Variants in SLC3A2 observed in about 807,000 individuals in gnomAD.
SLC3A2 encodes amino acid transporter heavy chain SLC3A2.
In SLC3A2, 32 loss-of-function variants were observed where a neutral mutation model predicts 48.5. The ratio of observed to expected loss-of-function variants is 0.66; its 90% CI spans 0.50 to 0.89. The LOEUF (loss-of-function observed/expected upper bound fraction) is 0.89. Ranked by LOEUF, SLC3A2 falls within the 40% of genes least tolerant of loss-of-function variation. The pLI is 0.00. For missense variants in SLC3A2, 587 were observed against 680.7 expected, an observed-to-expected ratio of 0.86 and a Z score of 1.53; for synonymous variants, 277 against 288.8, an observed-to-expected ratio of 0.96 and a Z score of 0.41.
chr11:62,886,605 T>C (rs1218434013), intron 7 of SLC3A2: 4 of 152,140 alleles, frequency 2.6e-5, no homozygotes, highest in East Asian at 3.9e-4. Context: ...TTTTTTTTTT[T>C]TGGAGACAGG....
intron 1 of SLC3A2, among the ~76,000 whole-genome samples, chr11:62,861,603 A>G (rs1359495080): frequency 6.6e-6 from 1 of 152,036 alleles, no homozygotes; most frequent in Non-Finnish European, 1.5e-5. Context: ...CACTGTAGTC[A>G]GAGTGATCTT....
rs1171717120 is a variant in SLC3A2 at position 62,881,758 on chromosome 11, C to G, written c.425-135C>G. 6.9e-6 allele frequency: 7 copies of G among 1,020,924 alleles called. No individual in the cohort carries two copies. The highest frequency in any genetic ancestry group is 1.0e-5 in the Non-Finnish European group (7 of 700,158). 63.2% of individuals were successfully genotyped at this position (1,020,924 alleles called of 1,614,324 possible). A position where few individuals can be genotyped will look rare whatever the true frequency, so the allele number is the denominator to read the frequency against. ...TCCTTACATCAGCTCCTCTGAGTCT[C>G]GTGATTCAGCCTTGCCTCCCTCTCT... On this transcript the variant is annotated intron_variant, in intron 1 of 8. Transcript: ENST00000338663. This position sits in a 1 kb window ranked among gnomAD's most constrained non-coding sequence, Gnocchi z 4.0.
In SLC3A2 at chr11:62,872,064, C is replaced by T. The variant is rs960576222; in HGVS notation, c.113-8955C>T. Among the ~76,000 whole-genome samples the T allele has an allele frequency of 3.9e-5, 6 of 152,114 alleles. No homozygotes were observed. In the South Asian group the frequency reaches 6.2e-4, roughly 16 times the overall value. ...AGTGGCTGGGACTACAGGCACACAC[C>T]GCCACGCCTGGCTAAATTTTTTTTG... On this transcript the variant is annotated intron_variant, in intron 1 of 9. Coordinates refer to the SLC3A2 transcript ENST00000377889.
rs865957659 is a variant in SLC3A2, at chr11:62,881,397, G to A, written c.374G>A (p.Arg125His). The A allele has an allele frequency of 1.3e-6, 2 of 1,595,404 alleles. No individual in the cohort carries two copies. Among genetic ancestry groups the A allele is most frequent in the East Asian group, 2.2e-5 (1 of 44,576 alleles). ...QKWWHTGALYRIGDLQAFQGH... is the reference protein window; with the variant it reads ...QKWWHTGALYHIGDLQAFQGH... ...TGGTGGCACACGGGCGCCCTCTACC[G>A]CATCGGCGACCTTCAGGCCTTCCAG... Residue 125 changes from arginine to histidine, a missense_variant, in exon 1 of 9, where the codon CGC (arginine) becomes CAC (histidine). By Grantham distance (29) the Arg-to-His change is conservative (BLOSUM62 0). This residue lies in a region of SLC3A2 where 409 missense variants were observed against 446.7 expected (regional missense o/e 0.92). Transcript: ENST00000338663. The surrounding 1 kb of genome is among the most constrained non-coding windows in gnomAD (Gnocchi z 4.0).
chr11:62,863,208 A>T (rs915552575), intron 1 of SLC3A2, among the ~76,000 whole-genome samples: 2 of 152,090 alleles, frequency 1.3e-5, no homozygotes, highest in Non-Finnish European at 2.9e-5. Flanking sequence ...GGCGTGAGCC[A>T]CCACTCTGGG....
rs772633350 is a variant in SLC3A2 at position 62,882,974 on chromosome 11, T to A, written c.665T>A (p.Val222Asp). 3.1e-6 allele frequency: 5 copies of A among 1,614,204 alleles called. No homozygotes were observed. In the East Asian group the frequency reaches 8.9e-5, roughly 29 times the overall value. ...GAGAACTCGTGGTTCTCCACTCAGG[T>A]TGACACTGTGGCCACCAAGGTGAAG... The part of the protein sequence containing the change: ...RGENSWFSTQ[V>D]DTVATKVKDA... The change falls in exon 3 of 9, where the codon GTT becomes GAT. Residue 222 changes from valine (V) to aspartate (D), a missense_variant. Transcript: ENST00000338663.
At chr11:62,876,554 T>C (rs1037397621), upstream of SLC3A2, among the ~76,000 whole-genome samples, 1 of 152,080 alleles carries the variant, frequency 6.6e-6, no homozygotes, top group Non-Finnish European at 1.5e-5. Flanking sequence ...CTGTAGTCTT[T>C]TTGTTTTCCT....
chr11:62,868,975 T>C (rs1400084956), intron 1 of SLC3A2, among the ~76,000 whole-genome samples: 1 of 151,986 alleles, frequency 6.6e-6, no homozygotes, highest in Non-Finnish European at 1.5e-5. Flanking sequence ...TTCAGTTCAC[T>C]GCAACTTCTG....
intron 8 of SLC3A2, 48 bp from the exon 9 acceptor site, chr11:62,888,282 AC>A: frequency 6.2e-7 from 1 of 1,609,506 alleles, no homozygotes; most frequent in Non-Finnish European, 8.5e-7. Flanking sequence ...AGAAGTCTGT[AC>A]CCAGGGGAGC....
upstream of SLC3A2, among the ~76,000 whole-genome samples, chr11:62,876,631 T>C (rs761903894): frequency 5.9e-5 from 9 of 152,154 alleles, no homozygotes; most frequent in African/African-American, 1.2e-4. Flanking sequence ...GACAGAGTTT[T>C]GCTCTTGTTG....
chr11:62,881,660 G>T lies in SLC3A2; in HGVS notation c.424+213G>T. The T allele has an allele frequency of 1.1e-6, 1 of 895,050 alleles. No homozygotes were observed. The highest frequency in any genetic ancestry group is 3.5e-4 in the Middle Eastern group (1 of 2,838). The allele number at this position is 895,050 out of a possible 1,614,324, so 55.4% of individuals were successfully genotyped here. A position where few individuals can be genotyped will look rare whatever the true frequency, so the allele number is the denominator to read the frequency against. ...CGCCCCTCACTCCGTCACGAGGGTG[G>T]GTGACTCAGCGTCCTCCTTCCCCGC... On this transcript the variant is annotated intron_variant, in intron 1 of 8. Coordinates refer to ENST00000338663, the MANE Select transcript of SLC3A2 (RefSeq NM_001013251.3). This position sits in a 1 kb window ranked among gnomAD's most constrained non-coding sequence, Gnocchi z 4.0.
chr11:62,869,323 G>A (rs1390987320), intron 1 of SLC3A2, among the ~76,000 whole-genome samples: 3 of 151,288 alleles, frequency 2.0e-5, no homozygotes, highest in African/African-American at 7.3e-5. Flanking sequence ...AGGAGATCGA[G>A]ACCATCCTGG....
At chr11:62,866,559 C>T (rs753275963) in intron 1 of SLC3A2, among the ~76,000 whole-genome samples, 2 of 151,940 alleles carry the variant, frequency 1.3e-5, no homozygotes, top group Non-Finnish European at 2.9e-5. Flanking sequence ...CCAAACCTGG[C>T]TAATTTTTGT....
intron 3 of SLC3A2, chr11:62,883,761 G>A (rs893802826): frequency 6.8e-6 from 2 of 294,748 alleles, no homozygotes; most frequent in South Asian, 3.1e-5. Flanking sequence ...CATGAGGGGC[G>A]GTACCCTCAG....
At chr11:62,856,340 C>T (rs145450178) in exon 1 of SLC3A2, 103 of 1,613,194 alleles carry the variant, frequency 6.4e-5, no homozygotes, top group Middle Eastern at 1.6e-4. Context: ...GGCTCACATT[C>T]GGAGGCTGGT....
At chr11:62,859,790 G>T (rs748005547) in intron 1 of SLC3A2, among the ~76,000 whole-genome samples, 1 of 150,346 alleles carries the variant, frequency 6.7e-6, no homozygotes, top group East Asian at 2.0e-4. Context: ...AGAAAAGAGG[G>T]CATTTTAAAA....
In SLC3A2 at chr11:62,883,017, T is replaced by C; in HGVS notation, c.690+18T>C. On this transcript the variant is annotated intron_variant, in intron 3 of 8. Transcript: ENST00000338663. ...AGGTGAAGGTGAGTGTTGGAGCTGA[T>C]GGCTGGTGGAAGTCAGATGCTGGGG... is the stretch of plus-strand genomic sequence containing the variant. The C allele has an allele frequency of 7.4e-6, 12 of 1,610,934 alleles. No individual in the cohort carries two copies. Among genetic ancestry groups the C allele is most frequent in the Non-Finnish European group, 1.0e-5 (12 of 1,177,024 alleles).
intron 1 of SLC3A2, among the ~76,000 whole-genome samples, chr11:62,861,625 ACT>A (rs1203845153): frequency 1.3e-5 from 2 of 151,816 alleles, no homozygotes; most frequent in African/African-American, 4.8e-5. Flanking sequence ...ACGAATAAAA[ACT>A]CTGGTCGGTC....
At chr11:62,869,073 A>G (rs1009175415) in intron 1 of SLC3A2, among the ~76,000 whole-genome samples, 2 of 151,440 alleles carry the variant, frequency 1.3e-5, no homozygotes, top group African/African-American at 4.9e-5. Flanking sequence ...TAATTTTTGT[A>G]TTTTTAGTAG....
Sources: allele counts gnomAD v4.1 joint callset (sites outside exome capture counted in the v4.1 genomes callset), GRCh38; gene constraint gnomAD v4.1.1; regional missense constraint gnomAD v4.1.1; non-coding constraint Gnocchi (gnomAD v3.1); transcripts MANE v1.5; gene names NCBI Gene and HGNC (gene_info 2026-07-23, HGNC 2026-07-21).